CSMD1: variants seen among roughly 807,000 people sequenced by gnomAD.
CSMD1 encodes the protein CUB and sushi domain-containing protein 1.
In CSMD1, 213 loss-of-function variants were observed where a neutral mutation model predicts 417.5. The ratio of observed to expected loss-of-function variants is 0.51; its 90% CI spans 0.46 to 0.57. The LOEUF (loss-of-function observed/expected upper bound fraction) is 0.57, where lower values mean the gene tolerates loss of function less well. CSMD1 is among the 20% of genes least tolerant of loss of function. The pLI, the probability that CSMD1 is intolerant of heterozygous loss-of-function variation, is 0.00. For synonymous variants in CSMD1, 2,862 were observed against 1,736.8 expected (o/e 1.65, Z -16.11); for missense variants, 6,923 against 4,529.7 (o/e 1.53, Z -15.17).
intron 3 of CSMD1, among the ~76,000 whole-genome samples, chr8:4,212,905 A>G (rs765564543): frequency 6.6e-6 from 1 of 152,076 alleles, no homozygotes; most frequent in African/African-American, 2.4e-5. Context: ...TGAGCTGGAA[A>G]GAAGACACTT....
At chr8:3,781,176 A>C (rs560226139) in intron 5 of CSMD1, among the ~76,000 whole-genome samples, 28 of 152,316 alleles carry the variant, frequency 1.8e-4, no homozygotes, top group African/African-American at 6.7e-4. Flanking sequence ...ATTGGTGATT[A>C]TTTAACTCAC....
At chr8:4,882,259 C>T (rs573830611) in intron 1 of CSMD1, among the ~76,000 whole-genome samples, 1 of 151,752 alleles carries the variant, frequency 6.6e-6, no homozygotes, top group Non-Finnish European at 1.5e-5. Flanking sequence ...GGGTGGATGT[C>T]GCCCCTTCTC....
At chr8:3,826,691 G>C (rs976948360) in intron 5 of CSMD1, among the ~76,000 whole-genome samples, 2 of 152,110 alleles carry the variant, frequency 1.3e-5, no homozygotes, top group South Asian at 2.1e-4. Flanking sequence ...CTCTGACTTG[G>C]TCCTTGATAA....
intron 1 of CSMD1, chr8:4,787,806 G>A (rs915277010): frequency 1.5e-5 from 23 of 1,574,906 alleles, no homozygotes; most frequent in African/African-American, 2.7e-5. Context: ...TGGATATCAT[G>A]AGTCATGCTA....
At chr8:4,726,307 G>T (rs146144750) in intron 1 of CSMD1, among the ~76,000 whole-genome samples, 1,915 of 151,108 alleles carry the variant, frequency 0.013, 33 homozygotes, top group Middle Eastern at 0.041. Context: ...AGTGGGTAGC[G>T]GGTTCTTTAA....
intron 6 of CSMD1, among the ~76,000 whole-genome samples, chr8:3,722,158 A>T (rs1347174315): frequency 6.6e-6 from 1 of 152,036 alleles, no homozygotes; most frequent in African/African-American, 2.4e-5. Context: ...AGAATGCAAA[A>T]ATTAGCTGGG....
At chr8:4,771,605 A>G (rs1419653077) in intron 1 of CSMD1, among the ~76,000 whole-genome samples, 5 of 152,336 alleles carry the variant, frequency 3.3e-5, no homozygotes, top group South Asian at 4.1e-4. Context: ...GAGTAATTAA[A>G]TGTTGAAACG....
intron 1 of CSMD1, among the ~76,000 whole-genome samples, chr8:4,933,561 A>T (rs1276611637): frequency 6.6e-6 from 1 of 152,218 alleles, no homozygotes; most frequent in African/African-American, 2.4e-5. Context: ...TAGCACTTTG[A>T]TACATACAAT....
At chr8:4,185,168 C>T (rs1397245014) in intron 3 of CSMD1, among the ~76,000 whole-genome samples, 16 of 132,274 alleles carry the variant, frequency 1.2e-4, no homozygotes, top group Non-Finnish European at 2.1e-4. Flanking sequence ...AAAAAGCAAA[C>T]GAAGAAAAAA....
chr8:3,285,614 G>C (rs888786584), intron 25 of CSMD1, among the ~76,000 whole-genome samples: 10 of 151,878 alleles, frequency 6.6e-5, no homozygotes, highest in Non-Finnish European at 1.0e-4. Context: ...GACCAGGCTG[G>C]TCTTGAACTC....
intron 7 of CSMD1, among the ~76,000 whole-genome samples, chr8:3,622,683 C>T (rs79195781): frequency 0.022 from 3,333 of 152,216 alleles, 102 homozygotes; most frequent in African/African-American, 0.076. Flanking sequence ...AAAATACAGG[C>T]GATTTTCTGA....
chr8:4,343,541 A>T (rs2128896399), intron 3 of CSMD1, among the ~76,000 whole-genome samples: 1 of 152,234 alleles, frequency 6.6e-6, no homozygotes, highest in East Asian at 1.9e-4. Context: ...AGTTATATAC[A>T]ATGTTACTTG....
intron 44 of CSMD1, among the ~76,000 whole-genome samples, chr8:3,108,359 T>C (rs910939974): frequency 1.3e-5 from 2 of 152,204 alleles, no homozygotes; most frequent in African/African-American, 4.8e-5. Flanking sequence ...ATGGTCTTCA[T>C]CTTAGAGTTT....
chr8:4,315,674 T>C (rs1005125825), intron 3 of CSMD1, among the ~76,000 whole-genome samples: 3 of 151,850 alleles, frequency 2.0e-5, no homozygotes, highest in African/African-American at 4.9e-5. Flanking sequence ...AGCATAAATA[T>C]GATGATTATA....
chr8:4,394,870 A>C (rs949566077), intron 3 of CSMD1, among the ~76,000 whole-genome samples: 1 of 152,124 alleles, frequency 6.6e-6, no homozygotes, highest in African/African-American at 2.4e-5. Context: ...AGTCCGATAC[A>C]ACCTTGTCTA....
chr8:3,188,397 C>G (rs944481422), intron 35 of CSMD1, among the ~76,000 whole-genome samples: 57 of 145,704 alleles, frequency 3.9e-4, no homozygotes, highest in African/African-American at 1.4e-3. Flanking sequence ...ACCTCCGCCT[C>G]CCAGGTTCAA....
At chr8:4,871,555 T>A (rs1038317465) in intron 1 of CSMD1, among the ~76,000 whole-genome samples, 1 of 152,164 alleles carries the variant, frequency 6.6e-6, no homozygotes, top group Non-Finnish European at 1.5e-5. Context: ...TTTGTTTTTA[T>A]GTTTTGCTTT....
At chr8:4,397,119 T>C (rs1166826099) in intron 3 of CSMD1, among the ~76,000 whole-genome samples, 3 of 152,288 alleles carry the variant, frequency 2.0e-5, no homozygotes, top group East Asian at 3.9e-4. Context: ...TATAACCATC[T>C]GCACGCCATC....
chr8:3,172,675 G>A (rs1585550713), intron 37 of CSMD1, among the ~76,000 whole-genome samples: 1 of 152,270 alleles, frequency 6.6e-6, no homozygotes. Flanking sequence ...GGGGAATGGA[G>A]AAAGAATCAC....
Sources: gnomAD v4.1 joint callset for allele counts (sites outside exome capture counted in the v4.1 genomes callset) on GRCh38, gnomAD v4.1.1 for gene constraint, MANE v1.5 for transcripts, NCBI Gene and HGNC (gene_info 2026-07-23, HGNC 2026-07-21) for gene names.